GCKR: variants seen among roughly 807,000 people sequenced by gnomAD.
The protein encoded by GCKR is glucokinase regulatory protein.
In GCKR, 73 loss-of-function variants were observed where a neutral mutation model predicts 82.9. That is an observed-to-expected ratio of 0.88 (90% CI 0.73 to 1.07). The LOEUF is 1.07. GCKR is among the 50% of genes least tolerant of loss of function. The pLI is 0.00. For synonymous variants in GCKR, 294 were observed against 291.8 expected, an observed-to-expected ratio of 1.01 and a Z score of -0.08; for missense variants, 784 against 782.1, an observed-to-expected ratio of 1.00 and a Z score of -0.03.
chr2:27,515,761 ATATAT>A (rs1268564852), intron 16 of GCKR, among the ~76,000 whole-genome samples: 8 of 126,798 alleles, frequency 6.3e-5, no homozygotes, highest in African/African-American at 2.2e-4. Flanking sequence ...ATATATATAT[ATATAT>A]TTTTTTTTTT....
Position 27,522,528 on chromosome 2 carries a change from A to T in GCKR, c.1641A>T (p.Pro547=). 6.2e-7 allele frequency: 1 copy of T among 1,613,946 alleles called. No individual in the cohort carries two copies. Among genetic ancestry groups the T allele is most frequent in the Non-Finnish European group, 8.5e-7 (1 of 1,179,854 alleles). The part of the protein sequence containing the change: ...SLLRAIHFPQ[P]LSDDIRAAPI... ...TCCGAGCGATCCACTTTCCCCAGCCACTGTCAGATGATATTCGGGCTGCTC... is the reference window on the plus strand; with the variant it reads ...TCCGAGCGATCCACTTTCCCCAGCCTCTGTCAGATGATATTCGGGCTGCTC... The change falls in exon 18 of 19, where the codon CCA becomes CCT. Residue 547 remains proline, a synonymous_variant. Transcript: ENST00000264717.
chr2:27,505,193 G>T (rs1242094090), intron 9 of GCKR, among the ~76,000 whole-genome samples: 1 of 135,296 alleles, frequency 7.4e-6, no homozygotes, highest in Non-Finnish European at 1.5e-5. Flanking sequence ...TCAGGAGATC[G>T]AGACCATCCT....
chr2:27,520,225 A>G (rs1406781777), intron 17 of GCKR, among the ~76,000 whole-genome samples: 2 of 152,114 alleles, frequency 1.3e-5, no homozygotes, highest in African/African-American at 2.4e-5. Context: ...AAAATAAACT[A>G]TGGTCCTTAC....
chr2:27,507,510 T>C (rs1330452136), intron 13 of GCKR, 171 bp from the exon 14 acceptor site: 1 of 678,032 alleles, frequency 1.5e-6, no homozygotes, highest in Non-Finnish European at 2.7e-6. Context: ...AACTTGGCCC[T>C]AGTCCACTGA....
At chr2:27,508,287 G>T in intron 16 of GCKR, 36 bp downstream of exon 16, 3 of 1,274,558 alleles carry the variant, frequency 2.4e-6, no homozygotes, top group Non-Finnish European at 3.4e-6. Flanking sequence ...TGCAGTAAGG[G>T]GCTCAGAGGG....
intron 8 of GCKR, among the ~76,000 whole-genome samples, chr2:27,502,137 G>C (rs1474065941): frequency 6.6e-6 from 1 of 152,064 alleles, no homozygotes; most frequent in African/African-American, 2.4e-5. Context: ...TCTTGGGAAG[G>C]GGGACAAGTG....
chr2:27,498,852 A>C, intron 5 of GCKR, 55 bp downstream of exon 5: 4 of 1,037,760 alleles, frequency 3.9e-6, no homozygotes, highest in Non-Finnish European at 6.1e-6. Context: ...ATTTCTTAGA[A>C]ATTGAGTTGG....
chr2:27,519,718 T>C (rs1236102120), intron 17 of GCKR, among the ~76,000 whole-genome samples: 2 of 152,160 alleles, frequency 1.3e-5, no homozygotes, highest in African/African-American at 4.8e-5. Context: ...TGTCCTGTGG[T>C]TCTTGCAAAT....
At chr2:27,504,809 G>A (rs572067264) in intron 9 of GCKR, among the ~76,000 whole-genome samples, 5 of 152,122 alleles carry the variant, frequency 3.3e-5, no homozygotes, top group East Asian at 1.9e-4. Flanking sequence ...TGGTGGAAGT[G>A]GGGGAGAAAT....
chr2:27,504,041 C>T (rs1201292038), intron 9 of GCKR, among the ~76,000 whole-genome samples: 1 of 152,176 alleles, frequency 6.6e-6, no homozygotes, highest in Non-Finnish European at 1.5e-5. Flanking sequence ...AATTGGGTGG[C>T]CCTTCTTAGG....
At position 27,499,104 on chromosome 2, in the gene GCKR, T is replaced by C. The variant is rs813592; in HGVS notation, c.429-38T>C. 0.41 allele frequency: 527,227 copies of C among 1,301,156 alleles called. 112,732 individuals carry two copies. The highest frequency in any genetic ancestry group is 0.67 in the African/African-American group (46,626 of 69,090). 80.6% of individuals were successfully genotyped at this position (1,301,156 alleles called of 1,614,324 possible). A position where few individuals can be genotyped will look rare whatever the true frequency, so the allele number is the denominator to read the frequency against. ...CCTAATACGCCATAGGCTTCTGCTT[T>C]CCAGCCACTGCCACTGACCTTGAGT... On this transcript the variant is annotated intron_variant, in intron 5 of 18. Coordinates refer to ENST00000264717, the MANE Select transcript of GCKR (RefSeq NM_001486.4).
At chr2:27,505,403 C>CAAAAAAAAAA (rs200176153) in intron 9 of GCKR, among the ~76,000 whole-genome samples, 5 of 54,432 alleles carry the variant, frequency 9.2e-5, no homozygotes, top group Admixed American at 2.1e-4. Context: ...GACTCCATCT[C>CAAAAAAAAAA]AAAAAAAAAA....
Position 27,505,717 on chromosome 2 carries a change from G to T in GCKR, c.751-1G>T. 3.2e-6 allele frequency: 5 copies of T among 1,574,206 alleles called. No individual in the cohort carries two copies. The highest frequency in any genetic ancestry group is 4.4e-6 in the Non-Finnish European group (5 of 1,144,262). On this transcript the variant is annotated splice_acceptor_variant, in intron 9 of 18. Transcript: ENST00000264717. LOFTEE classifies it high-confidence loss of function. ...CCTCTTGGGTGTCTTCACCTCTTCAGCCCGAGGGTCTCAGCGGCTCCTCCC... is the reference window on the plus strand; with the variant it reads ...CCTCTTGGGTGTCTTCACCTCTTCATCCCGAGGGTCTCAGCGGCTCCTCCC...
intron 1 of GCKR, 89 bp from the exon 2 acceptor site, chr2:27,497,155 C>A: frequency 6.7e-7 from 1 of 1,493,920 alleles, no homozygotes; most frequent in Non-Finnish European, 9.3e-7. Context: ...AGTCCAAACT[C>A]TGTGCCTGCT....
At chr2:27,512,548 A>G (rs1446076637) in intron 16 of GCKR, among the ~76,000 whole-genome samples, 1 of 152,046 alleles carries the variant, frequency 6.6e-6, no homozygotes, top group Non-Finnish European at 1.5e-5. Flanking sequence ...AAAAAAAAAA[A>G]AAGAAGATAA....
At chr2:27,497,047 G>A (rs149059842) in intron 1 of GCKR, 83 bp downstream of exon 1, 2 of 1,287,472 alleles carry the variant, frequency 1.6e-6, no homozygotes, top group Non-Finnish European at 2.3e-6. Context: ...GCTGGTTTCT[G>A]CTCACCTCTT....
chr2:27,523,276 C>T lies in GCKR; in HGVS notation c.1715C>T (p.Pro572Leu), dbSNP rs760705798. 2 of 1,611,780 alleles carry T rather than the reference C, an allele frequency of 1.2e-6. No individual in the cohort carries two copies. Among genetic ancestry groups the T allele is most frequent in the East Asian group, 2.2e-5 (1 of 44,888 alleles). The change falls in exon 19 of 19, where the codon CCC becomes CTC. Residue 572 changes from proline (P) to leucine (L), a missense_variant. Transcript: ENST00000264717. ...ACTGCCTCTTCCCCACAGGTGATAC[C>T]CATCGCCTTGCTGAGCCTCCTATTC... ...QVAHEKEQVI[P>L]IALLSLLFRC...
intron 16 of GCKR, among the ~76,000 whole-genome samples, chr2:27,512,688 T>C (rs577083900): frequency 6.6e-6 from 1 of 152,336 alleles, no homozygotes; most frequent in African/African-American, 2.4e-5. Context: ...TTATCTATTA[T>C]CTAGACCATA....
At chr2:27,509,590 C>T (rs1177797966) in intron 16 of GCKR, 1 of 423,498 alleles carries the variant, frequency 2.4e-6, no homozygotes, top group African/African-American at 2.0e-5. Context: ...GATCCACCCG[C>T]CTTAGCCTCC....
Sources: gnomAD v4.1 joint callset for allele counts (sites outside exome capture counted in the v4.1 genomes callset) on GRCh38, gnomAD v4.1.1 for gene constraint, MANE v1.5 for transcripts, NCBI Gene and HGNC (gene_info 2026-07-23, HGNC 2026-07-21) for gene names.